The following DYNC1I1 variants were observed in gnomAD, a reference collection of about 807,000 sequenced individuals.
The protein encoded by DYNC1I1 is cytoplasmic dynein 1 intermediate chain 1.
In DYNC1I1, 43 loss-of-function variants were observed where a neutral mutation model predicts 86.6. The observed-to-expected ratio is 0.50, with a 90% CI of 0.39 to 0.64. The LOEUF (loss-of-function observed/expected upper bound fraction) is 0.64. DYNC1I1 is among the 30% of genes least tolerant of loss of function. DYNC1I1 has a pLI of 0.00. For missense variants in DYNC1I1, 604 were observed against 788.8 expected (o/e 0.77, Z 2.81); for synonymous variants, 262 against 283.7 (o/e 0.92, Z 0.77).
intron 6 of DYNC1I1, among the ~76,000 whole-genome samples, chr7:95,953,519 C>G (rs1792617102): frequency 6.6e-6 from 1 of 152,178 alleles, no homozygotes; most frequent in African/African-American, 2.4e-5. Context: ...TCAGACATTA[C>G]ATTGTTAAAA....
chr7:96,013,686 T>A (rs1483853643), intron 10 of DYNC1I1, among the ~76,000 whole-genome samples: 2 of 152,176 alleles, frequency 1.3e-5, no homozygotes, highest in Non-Finnish European at 2.9e-5. Context: ...CTTGAACTCC[T>A]GGGCTCAAGT....
At chr7:95,925,322 T>C (rs1392800780) in intron 6 of DYNC1I1, among the ~76,000 whole-genome samples, 1 of 152,182 alleles carries the variant, frequency 6.6e-6, no homozygotes, top group African/African-American at 2.4e-5. Flanking sequence ...AAATGTGAGA[T>C]GAAAGGATCT....
At chr7:95,847,310 A>G (rs547058026) in intron 5 of DYNC1I1, among the ~76,000 whole-genome samples, 9 of 152,078 alleles carry the variant, frequency 5.9e-5, no homozygotes, top group African/African-American at 9.7e-5. Context: ...TAGACCATCA[A>G]TCACAGATCT....
At chr7:95,941,111 T>C (rs1584182313) in intron 6 of DYNC1I1, among the ~76,000 whole-genome samples, 1 of 152,132 alleles carries the variant, frequency 6.6e-6, no homozygotes, top group African/African-American at 2.4e-5. Context: ...TGCAGAACAG[T>C]GGGTTTTCGT....
chr7:96,107,618 A>C (rs1208325065), intron 16 of DYNC1I1, among the ~76,000 whole-genome samples: 2 of 147,546 alleles, frequency 1.4e-5, no homozygotes, highest in Non-Finnish European at 3.0e-5. Context: ...TGTAATCTCC[A>C]CCTCCTGGGT....
chr7:96,054,751 G>A (rs186788695), intron 14 of DYNC1I1, among the ~76,000 whole-genome samples: 1 of 152,176 alleles, frequency 6.6e-6, no homozygotes, highest in South Asian at 2.1e-4. Context: ...ATGTTTGTTG[G>A]CCACATAAAT....
rs372272596 is a variant in DYNC1I1, at chr7:95,941,351, A to G, written c.491-36161A>G. 9.2e-5 allele frequency among the ~76,000 whole-genome samples: 14 copies of G among 151,930 alleles called. No individual in the cohort carries two copies. The East Asian group carries it at 1.6e-3, about 17-fold the overall frequency. ...CAAAGCTGTCAGACAGGGACATTTA[A>G]GTCTGCAGAGGTTACTGCTGTCTTT... On this transcript the variant is annotated intron_variant, in intron 6 of 16. Coordinates refer to ENST00000447467, the MANE Select transcript of DYNC1I1 (RefSeq NM_001135556.2).
chr7:96,012,643 A>G (rs1427389632), intron 10 of DYNC1I1, among the ~76,000 whole-genome samples: 2 of 152,198 alleles, frequency 1.3e-5, no homozygotes, highest in African/African-American at 4.8e-5. Flanking sequence ...AGTGTACAAT[A>G]TATATGTGAC....
intron 1 of DYNC1I1, among the ~76,000 whole-genome samples, chr7:95,794,992 GT>G (rs1214953575): frequency 1.3e-5 from 2 of 152,208 alleles, no homozygotes; most frequent in Non-Finnish European, 2.9e-5. Flanking sequence ...TCCTTCCTAT[GT>G]AAATGAAACT....
At chr7:96,033,264 T>C (rs1584265410) in intron 12 of DYNC1I1, among the ~76,000 whole-genome samples, 1 of 152,192 alleles carries the variant, frequency 6.6e-6, no homozygotes, top group Non-Finnish European at 1.5e-5. Context: ...CTGGAATGTT[T>C]TTTAGTATGG....
chr7:96,080,310 T>C, intron 15 of DYNC1I1, 53 bp from the exon 16 acceptor site: 1 of 1,523,050 alleles, frequency 6.6e-7, no homozygotes, highest in South Asian at 1.3e-5. Context: ...TAAATTTGTA[T>C]ATTTAAATTC....
chr7:95,838,519 A>G (rs933080900), intron 5 of DYNC1I1, among the ~76,000 whole-genome samples: 2 of 152,188 alleles, frequency 1.3e-5, no homozygotes, highest in Non-Finnish European at 2.9e-5. Context: ...TTGGTTATTC[A>G]AGGTCTTTTG....
chr7:95,800,625 C>T lies in DYNC1I1; in HGVS notation c.-9-4096C>T, dbSNP rs550083107. On this transcript the variant is annotated intron_variant, in intron 1 of 16. Coordinates refer to ENST00000447467, the MANE Select transcript of DYNC1I1 (RefSeq NM_001135556.2). Reference sequence around the variant, plus strand: ...CTCCTAAATCTGGGTAGAGTGAAGCCGAGAGTTGGCTGGTGTGTGGTGGAA... The same window carrying T: ...CTCCTAAATCTGGGTAGAGTGAAGCTGAGAGTTGGCTGGTGTGTGGTGGAA... Among the ~76,000 whole-genome samples, 7 of 152,178 alleles carry T rather than the reference C, an allele frequency of 4.6e-5. No individual in the cohort carries two copies. In the East Asian group the frequency reaches 7.7e-4, roughly 17 times the overall value.
At chr7:95,949,086 G>A (rs759214961) in intron 6 of DYNC1I1, among the ~76,000 whole-genome samples, 1 of 152,174 alleles carries the variant, frequency 6.6e-6, no homozygotes, top group Non-Finnish European at 1.5e-5. Context: ...GCAAGCAAGA[G>A]GGGATGGCGA....
chr7:96,095,437 C>T (rs1040157320), intron 16 of DYNC1I1, among the ~76,000 whole-genome samples: 5 of 151,934 alleles, frequency 3.3e-5, no homozygotes, highest in African/African-American at 9.7e-5. Flanking sequence ...TAAATTTGTA[C>T]GATTTTAACT....
At chr7:96,034,348 A>G (rs1270329710) in intron 12 of DYNC1I1, among the ~76,000 whole-genome samples, 2 of 152,146 alleles carry the variant, frequency 1.3e-5, no homozygotes, top group Non-Finnish European at 2.9e-5. Flanking sequence ...CTATTTAGGA[A>G]TTTTTAATTG....
intron 14 of DYNC1I1, among the ~76,000 whole-genome samples, chr7:96,066,184 A>G (rs142495197): frequency 9.6e-4 from 146 of 152,282 alleles, no homozygotes; most frequent in Admixed American, 2.0e-3. Flanking sequence ...TGGGAATACC[A>G]TACTGACTTA....
chr7:95,893,386 G>T (rs1364081686), intron 6 of DYNC1I1, among the ~76,000 whole-genome samples: 1 of 152,192 alleles, frequency 6.6e-6, no homozygotes, highest in Non-Finnish European at 1.5e-5. Flanking sequence ...AGGAAAGCAT[G>T]TGATATTTAT....
chr7:95,880,600 G>A (rs540506694), intron 6 of DYNC1I1, among the ~76,000 whole-genome samples: 1 of 149,194 alleles, frequency 6.7e-6, no homozygotes, highest in Admixed American at 6.7e-5. Context: ...AAATCAATTA[G>A]TAGATCCATT....
Sources: allele counts gnomAD v4.1 joint callset (sites outside exome capture counted in the v4.1 genomes callset), GRCh38; gene constraint gnomAD v4.1.1; transcripts MANE v1.5; gene names NCBI Gene and HGNC (gene_info 2026-07-23, HGNC 2026-07-21).